Variants in DRAXIN observed in about 807,000 individuals in gnomAD.
DRAXIN encodes dorsal repulsive axon guidance protein.
A neutral mutation model predicts 33.9 loss-of-function variants in DRAXIN; 27 were observed. The observed-to-expected ratio is 0.80, with a 90% CI of 0.59 to 1.10. The LOEUF (loss-of-function observed/expected upper bound fraction) is 1.10, where lower values mean the gene tolerates loss of function less well. Ranked by LOEUF, DRAXIN falls within the 50% of genes least tolerant of loss-of-function variation. The pLI, the probability that DRAXIN is intolerant of heterozygous loss-of-function variation, is 0.00. For synonymous variants in DRAXIN, 178 were observed against 194.0 expected (o/e 0.92, Z 0.69); for missense variants, 371 against 460.8 (o/e 0.81, Z 1.78).
intron 1 of DRAXIN, among the ~76,000 whole-genome samples, chr1:11,701,565 T>A (rs1236473937): frequency 6.6e-6 from 1 of 152,208 alleles, no homozygotes; most frequent in Non-Finnish European, 1.5e-5. Flanking sequence ...CTATCAGACC[T>A]CAGTTGTGAA....
chr1:11,724,031 T>C lies in DRAXIN; in HGVS notation c.*4335T>C, dbSNP rs1452332209. 2 of 152,218 alleles carry C rather than the reference T, an allele frequency of 1.3e-5. No individual in the cohort carries two copies. The highest frequency in any genetic ancestry group is 2.4e-5 in the African/African-American group (1 of 41,452). The allele number at this position is 152,218 out of a possible 1,614,324, so 9.4% of individuals were successfully genotyped here. On this transcript the variant is annotated 3_prime_UTR_variant, in exon 7 of 7. Transcript: ENST00000294485. The stretch of plus-strand genomic sequence containing the variant: ...TGACCCATCACATACTCTGAGATCA[T>C]TTCTAAGTCACCATTCAAGCTCCTT...
At chr1:11,703,183 G>A (rs567721557) in intron 1 of DRAXIN, among the ~76,000 whole-genome samples, 1 of 152,334 alleles carries the variant, frequency 6.6e-6, no homozygotes, top group Admixed American at 6.5e-5. Flanking sequence ...TCTAGCCAGG[G>A]GCTCTAAAAA....
Position 11,705,694 on chromosome 1 carries a change from T to C in DRAXIN, c.-10-555T>C, listed in dbSNP as rs1470398322. ...AAAATGGGGAAAATAACAGGAGCCATTTCAGAGAGCTCTTGAAAGGGCGAA... is the reference window on the plus strand; with the variant it reads ...AAAATGGGGAAAATAACAGGAGCCACTTCAGAGAGCTCTTGAAAGGGCGAA... On this transcript the variant is annotated intron_variant, in intron 1 of 6. Transcript: ENST00000294485. This position sits in a 1 kb window ranked among gnomAD's most constrained non-coding sequence, Gnocchi z 4.8. Among the ~76,000 whole-genome samples the C allele has an allele frequency of 6.6e-6, 1 of 152,170 alleles. No individual in the cohort carries two copies. The highest frequency in any genetic ancestry group is 2.4e-5 in the African/African-American group (1 of 41,422).
chr1:11,725,642 T>C lies in DRAXIN; in HGVS notation c.*5946T>C, dbSNP rs985728655. ...AGGCCCAAGCCTCCTGGGCTGCAAC[T>C]GGTCTTTATTTTTGGAGGCAATGAA... On this transcript the variant is annotated 3_prime_UTR_variant, in exon 7 of 7. Transcript: ENST00000294485. The C allele has an allele frequency of 2.0e-5, 3 of 152,210 alleles. No homozygotes were observed. Among genetic ancestry groups the C allele is most frequent in the Non-Finnish European group, 4.4e-5 (3 of 68,050 alleles). 9.4% of individuals were successfully genotyped at this position (152,210 alleles called of 1,614,324 possible).
intron 5 of DRAXIN, among the ~76,000 whole-genome samples, chr1:11,713,114 C>T (rs192683023): frequency 6.1e-4 from 92 of 152,034 alleles, no homozygotes; most frequent in African/African-American, 2.1e-3. Flanking sequence ...GGGAACATTG[C>T]TTGAACCCGG....
upstream of DRAXIN, among the ~76,000 whole-genome samples, chr1:11,686,807 TAAAAAAAA>T (rs560855200): frequency 1.9e-5 from 2 of 104,490 alleles, no homozygotes; most frequent in Admixed American, 2.1e-4. Flanking sequence ...ACTGCCACTT[TAAAAAAAA>T]AAAAAAAAAA....
intron 5 of DRAXIN, 112 bp from the exon 6 acceptor site, chr1:11,715,007 G>A: frequency 7.7e-7 from 1 of 1,297,770 alleles, no homozygotes; most frequent in South Asian, 1.2e-5. Flanking sequence ...CACCCCGCCA[G>A]GGCGCGGCCT....
chr1:11,709,163 TCA>T, intron 2 of DRAXIN, 110 bp from the exon 3 acceptor site: 1 of 1,173,038 alleles, frequency 8.5e-7, no homozygotes, highest in Non-Finnish European at 1.2e-6. Context: ...CAAGGGCTTG[TCA>T]CACAGTGCCT....
intron 6 of DRAXIN, among the ~76,000 whole-genome samples, chr1:11,716,971 A>G (rs1641587182): frequency 6.6e-6 from 1 of 152,234 alleles, no homozygotes; most frequent in African/African-American, 2.4e-5. Context: ...AAATACATAG[A>G]TAGTATGTCT....
At chr1:11,702,304 G>GCA (rs33962639) in intron 1 of DRAXIN, among the ~76,000 whole-genome samples, 1 of 148,250 alleles carries the variant, frequency 6.7e-6, no homozygotes, top group Non-Finnish European at 1.5e-5. Flanking sequence ...CATGCTCACA[G>GCA]CACACACACA....
rs1051900106 is a variant in DRAXIN at position 11,696,311 on chromosome 1, G to A, written c.-11+4458G>A. 3.2e-4 allele frequency among the ~76,000 whole-genome samples: 49 copies of A among 152,310 alleles called. No individual in the cohort carries two copies. The highest frequency in any genetic ancestry group is 1.1e-3 in the African/African-American group (47 of 41,564). ...TTTATAAACATTTACTCCCCAGCCG[G>A]GTGCGGTGGCTCACGCCTGTAATCC... On this transcript the variant is annotated intron_variant, in intron 1 of 6. Transcript: ENST00000294485. The surrounding 1 kb of genome is among the most constrained non-coding windows in gnomAD (Gnocchi z 4.7).
chr1:11,696,330 G>A lies in DRAXIN; in HGVS notation c.-11+4477G>A, dbSNP rs1641191418. On this transcript the variant is annotated intron_variant, in intron 1 of 6. Transcript: ENST00000294485. This position sits in a 1 kb window ranked among gnomAD's most constrained non-coding sequence, Gnocchi z 4.7. ...CAGCCGGGTGCGGTGGCTCACGCCT[G>A]TAATCCCAGCACTTTGGGAGACAGA... is the stretch of plus-strand genomic sequence containing the variant. Among the ~76,000 whole-genome samples the A allele has an allele frequency of 6.6e-6, 1 of 152,218 alleles. No individual in the cohort carries two copies. Among genetic ancestry groups the A allele is most frequent in the Non-Finnish European group, 1.5e-5 (1 of 68,034 alleles).
rs757584117 is a variant in DRAXIN at position 11,706,731 on chromosome 1, G to A, written c.451+22G>A. On this transcript the variant is annotated intron_variant, in intron 2 of 6. Transcript: ENST00000294485. The surrounding 1 kb of genome is among the most constrained non-coding windows in gnomAD (Gnocchi z 5.5). ...CAAGGTAGCTGGAGGGCTGCGAGGG[G>A]TGGGGATGGGGGTGATTCCTGCCAT... is the stretch of plus-strand genomic sequence containing the variant. 2 of 1,528,088 alleles carry A rather than the reference G, an allele frequency of 1.3e-6. No individual in the cohort carries two copies. Among genetic ancestry groups the A allele is most frequent in the Middle Eastern group, 2.0e-4 (1 of 5,072 alleles). The allele number at this position is 1,528,088 out of a possible 1,614,324, so 94.7% of individuals were successfully genotyped here. A position where few individuals can be genotyped will look rare whatever the true frequency, so the allele number is the denominator to read the frequency against.
rs1204973072 is a variant in DRAXIN, at chr1:11,706,365, A to G, written c.107A>G (p.Asn36Ser). The change falls in exon 2 of 7, where the codon AAC becomes AGC. Residue 36 changes from asparagine to serine, a missense_variant. By Grantham distance (46) the Asn-to-Ser change is conservative. Transcript: ENST00000294485. This position sits in a 1 kb window ranked among gnomAD's most constrained non-coding sequence, Gnocchi z 5.5. ...CTTGCACCTGGGACCCCTGCCCGGA[A>G]CCTCCCTGAGAATCACATTGACCTC... ...GALAPGTPAR[N>S]LPENHIDLPG... 2 of 1,613,614 alleles carry G rather than the reference A, an allele frequency of 1.2e-6. No homozygotes were observed. Among genetic ancestry groups the G allele is most frequent in the Admixed American group, 1.7e-5 (1 of 60,000 alleles).
chr1:11,699,511 A>G (rs1223200418), intron 1 of DRAXIN, among the ~76,000 whole-genome samples: 1 of 152,086 alleles, frequency 6.6e-6, no homozygotes, highest in Non-Finnish European at 1.5e-5. Flanking sequence ...ATTTTTTTTT[A>G]GAGACAGGGA....
chr1:11,697,267 A>T (rs1641208279), intron 1 of DRAXIN, among the ~76,000 whole-genome samples: 1 of 152,164 alleles, frequency 6.6e-6, no homozygotes, highest in South Asian at 2.1e-4. Context: ...CCTCTCATTA[A>T]TGAGACCTGT....
In DRAXIN at chr1:11,694,525, T is replaced by TGATCACTTAGCA. The variant is rs1553169401; in HGVS notation, c.-11+2674_-11+2685dup. On this transcript the variant is annotated intron_variant, in intron 1 of 6. Coordinates refer to ENST00000294485, the MANE Select transcript of DRAXIN (RefSeq NM_198545.4). The surrounding 1 kb of genome is among the most constrained non-coding windows in gnomAD (Gnocchi z 4.9). ...GTGCAGATTGGGTTTGAAGCCCAGC[T>TGATCACTTAGCA]GATCACTTAGCAGCTGTGGGACCCA... Among the ~76,000 whole-genome samples the TGATCACTTAGCA allele has an allele frequency of 3.3e-5, 5 of 152,190 alleles. No individual in the cohort carries two copies. Among genetic ancestry groups the TGATCACTTAGCA allele is most frequent in the Non-Finnish European group, 5.9e-5 (4 of 68,032 alleles).
intron 1 of DRAXIN, among the ~76,000 whole-genome samples, chr1:11,703,565 A>G (rs1489610667): frequency 6.6e-6 from 1 of 152,228 alleles, no homozygotes; most frequent in Non-Finnish European, 1.5e-5. Context: ...CTGTGGTTGC[A>G]TGGGAAGGCA....
rs1203912488 is a variant in DRAXIN, at chr1:11,704,752, G to C, written c.-10-1497G>C. 6.6e-6 allele frequency among the ~76,000 whole-genome samples: 1 copy of C among 152,200 alleles called. No individual in the cohort carries two copies. Among genetic ancestry groups the C allele is most frequent in the Non-Finnish European group, 1.5e-5 (1 of 68,026 alleles). On this transcript the variant is annotated intron_variant, in intron 1 of 6. Coordinates refer to ENST00000294485, the MANE Select transcript of DRAXIN (RefSeq NM_198545.4). The surrounding 1 kb of genome is among the most constrained non-coding windows in gnomAD (Gnocchi z 4.6). Reference sequence around the variant, plus strand: ...ATCTTCAGCCAGATCCCCGGGATAGGGGACAAGATGGAAAGTGACGGCCAC... The same window carrying C: ...ATCTTCAGCCAGATCCCCGGGATAGCGGACAAGATGGAAAGTGACGGCCAC...
Sources: gnomAD v4.1 joint callset for allele counts (sites outside exome capture counted in the v4.1 genomes callset) on GRCh38, gnomAD v4.1.1 for gene constraint, Gnocchi (gnomAD v3.1) non-coding constraint, MANE v1.5 for transcripts, NCBI Gene and HGNC (gene_info 2026-07-23, HGNC 2026-07-21) for gene names.